EPN2: variants seen among roughly 807,000 people sequenced by gnomAD.
EPN2 encodes the protein epsin 2, also known as epsin-2.
In EPN2, 34 loss-of-function variants were observed where a neutral mutation model predicts 61.7. The ratio of observed to expected loss-of-function variants is 0.55; its 90% CI spans 0.42 to 0.73. The LOEUF is 0.73. EPN2 is among the 30% of genes least tolerant of loss of function. The pLI is 0.00. For synonymous variants in EPN2, 349 were observed against 353.6 expected (o/e 0.99, Z 0.15); for missense variants, 714 against 839.2 (o/e 0.85, Z 1.84).
At chr17:19,263,027 C>T (rs1311248641) in intron 1 of EPN2, among the ~76,000 whole-genome samples, 1 of 152,226 alleles carries the variant, frequency 6.6e-6, no homozygotes, top group Non-Finnish European at 1.5e-5. Context: ...TCGTGAGTAA[C>T]ACAGCTGTGA....
chr17:19,255,179 C>T (rs1376646067), intron 1 of EPN2, among the ~76,000 whole-genome samples: 6 of 152,094 alleles, frequency 3.9e-5, no homozygotes, highest in Non-Finnish European at 7.4e-5. Context: ...CATACTCCGC[C>T]GCATCATGCT....
rs1349561169 is a variant in EPN2 at position 19,335,212 on chromosome 17, A to C, written c.*958A>C. 1 of 435,338 alleles carries C rather than the reference A, an allele frequency of 2.3e-6. No homozygotes were observed. Among genetic ancestry groups the C allele is most frequent in the Non-Finnish European group, 4.0e-6 (1 of 249,510 alleles). 27.0% of individuals were successfully genotyped at this position (435,338 alleles called of 1,614,324 possible). A position where few individuals can be genotyped will look rare whatever the true frequency, so the allele number is the denominator to read the frequency against. ...ACAGCAACAAAAAATCCTAGCCTCC[A>C]GTTGCCTTTTCCTTTCTTTAGCTCC... On this transcript the variant is annotated 3_prime_UTR_variant, in exon 11 of 11. Coordinates refer to ENST00000314728, the MANE Select transcript of EPN2 (RefSeq NM_014964.5).
At chr17:19,311,254 T>C (rs1906120427) in intron 5 of EPN2, among the ~76,000 whole-genome samples, 1 of 152,176 alleles carries the variant, frequency 6.6e-6, no homozygotes, top group South Asian at 2.1e-4. Flanking sequence ...TGTGGCTTCA[T>C]GGCCAGCAGC....
intron 9 of EPN2, among the ~76,000 whole-genome samples, chr17:19,330,401 T>C (rs1349010106): frequency 6.6e-6 from 1 of 151,964 alleles, no homozygotes; most frequent in East Asian, 1.9e-4. Context: ...CTTTTATCCC[T>C]CCCTACCAAC....
rs1425001304 is a variant in EPN2 at position 19,271,020 on chromosome 17, C to CT, written c.-293-10934dup. ...CTCAAGGTGTGAACTCTGGCAGTCT[C>CT]TGAGTAGAGAGATAATGGGTATCTT... On this transcript the variant is annotated intron_variant, in intron 1 of 10. Transcript: ENST00000314728. Among the ~76,000 whole-genome samples the CT allele has an allele frequency of 3.3e-5, 5 of 152,266 alleles. No individual in the cohort carries two copies. In the East Asian group the frequency reaches 9.6e-4, roughly 29 times the overall value.
intron 7 of EPN2, among the ~76,000 whole-genome samples, chr17:19,315,351 G>T (rs545551042): frequency 1.3e-5 from 2 of 152,188 alleles, no homozygotes; most frequent in Admixed American, 6.5e-5. Context: ...AGTCCAGGGG[G>T]TGTGAGCGGA....
At chr17:19,243,817 G>T (rs4924957) in intron 1 of EPN2, among the ~76,000 whole-genome samples, 4,968 of 152,258 alleles carry the variant, frequency 0.033, 348 homozygotes, top group South Asian at 0.2. Flanking sequence ...GGGATTACAG[G>T]TATGAGCCAC....
intron 1 of EPN2, among the ~76,000 whole-genome samples, chr17:19,251,962 A>G (rs1002087127): frequency 2.6e-5 from 4 of 152,086 alleles, no homozygotes; most frequent in African/African-American, 7.2e-5. Context: ...AGATAATTTT[A>G]TATAATATTT....
At chr17:19,267,852 A>G (rs753515288) in intron 1 of EPN2, among the ~76,000 whole-genome samples, 1 of 152,284 alleles carries the variant, frequency 6.6e-6, no homozygotes, top group Middle Eastern at 3.4e-3. Context: ...ATCAGCTTTT[A>G]TAGTAAGGAT....
At chr17:19,322,771 G>A (rs1267506152) in intron 7 of EPN2, among the ~76,000 whole-genome samples, 5 of 151,818 alleles carry the variant, frequency 3.3e-5, no homozygotes, top group Non-Finnish European at 5.9e-5. Context: ...GTAGTGGCTG[G>A]TGTGGCTTAA....
At chr17:19,323,238 A>G (rs1906725606) in intron 7 of EPN2, among the ~76,000 whole-genome samples, 1 of 152,238 alleles carries the variant, frequency 6.6e-6, no homozygotes, top group African/African-American at 2.4e-5. Context: ...CAGAGGAGTC[A>G]GAGAAGGCAG....
At chr17:19,330,655 C>T (rs1883047768) in intron 9 of EPN2, 1 of 152,272 alleles carries the variant, frequency 6.6e-6, no homozygotes, top group African/African-American at 2.4e-5. Flanking sequence ...CTGCTCCGTG[C>T]CTCAGTGAGA....
At chr17:19,327,942 T>C (rs1394442659) in intron 7 of EPN2, among the ~76,000 whole-genome samples, 1 of 152,240 alleles carries the variant, frequency 6.6e-6, no homozygotes, top group African/African-American at 2.4e-5. Context: ...TTTTATTTTA[T>C]ATGTACTCAT....
At chr17:19,287,131 C>T (rs1478417061) in intron 4 of EPN2, among the ~76,000 whole-genome samples, 2 of 152,054 alleles carry the variant, frequency 1.3e-5, no homozygotes, top group African/African-American at 4.8e-5. Flanking sequence ...TACAGCCTGG[C>T]AGGCCTGCAG....
At chr17:19,239,739 G>A (rs1468121872) in intron 1 of EPN2, among the ~76,000 whole-genome samples, 1 of 152,230 alleles carries the variant, frequency 6.6e-6, no homozygotes, top group African/African-American at 2.4e-5. Flanking sequence ...TGAAGCCTGA[G>A]CTGGCCAGAT....
intron 1 of EPN2, among the ~76,000 whole-genome samples, chr17:19,247,453 A>G (rs548999285): frequency 1.8e-4 from 28 of 152,256 alleles, no homozygotes; most frequent in Non-Finnish European, 3.1e-4. Context: ...AGGAGAAGGT[A>G]GGATTTGAGC....
intron 4 of EPN2, among the ~76,000 whole-genome samples, chr17:19,286,875 C>T (rs577700464): frequency 8.5e-5 from 13 of 152,144 alleles, no homozygotes; most frequent in Non-Finnish European, 1.8e-4. Flanking sequence ...TAAAAGCATT[C>T]GTTAAAGGGT....
intron 1 of EPN2, among the ~76,000 whole-genome samples, chr17:19,245,809 C>T (rs771577577): frequency 6.6e-5 from 10 of 151,920 alleles, no homozygotes; most frequent in Non-Finnish European, 1.0e-4. Flanking sequence ...ACTACAGGCA[C>T]GTACCACCAC....
intron 4 of EPN2, among the ~76,000 whole-genome samples, chr17:19,293,821 C>G (rs1278379086): frequency 6.6e-6 from 1 of 152,048 alleles, no homozygotes; most frequent in Non-Finnish European, 1.5e-5. Flanking sequence ...GGCGCGGTGG[C>G]TCATGCCTAT....
Sources: gnomAD v4.1 joint callset for allele counts (sites outside exome capture counted in the v4.1 genomes callset) on GRCh38, gnomAD v4.1.1 for gene constraint, MANE v1.5 for transcripts, NCBI Gene and HGNC (gene_info 2026-07-23, HGNC 2026-07-21) for gene names.